Variants in LRRC49 observed in about 807,000 individuals in gnomAD.
LRRC49 encodes the protein leucine-rich repeat-containing protein 49.
A neutral mutation model predicts 83.3 loss-of-function variants in LRRC49; 50 were observed. The ratio of observed to expected loss-of-function variants is 0.60; its 90% CI spans 0.48 to 0.76. LRRC49 has a LOEUF of 0.76. Ranked by LOEUF, LRRC49 falls within the 30% of genes least tolerant of loss-of-function variation. The pLI, the probability that LRRC49 is intolerant of heterozygous loss-of-function variation, is 0.00. For synonymous variants in LRRC49, 286 were observed against 283.3 expected (o/e 1.01, Z -0.10); for missense variants, 704 against 809.1 (o/e 0.87, Z 1.58).
intron 7 of LRRC49, among the ~76,000 whole-genome samples, chr15:70,922,963 G>A (rs1221660762): frequency 6.6e-6 from 1 of 151,978 alleles, no homozygotes; most frequent in African/African-American, 2.4e-5. Context: ...CAAGTTTTGT[G>A]TTGGATATTT....
chr15:70,863,943 C>T (rs2141071293), intron 1 of LRRC49, among the ~76,000 whole-genome samples: 1 of 152,338 alleles, frequency 6.6e-6, no homozygotes, highest in African/African-American at 2.4e-5. Flanking sequence ...GCTTTGGCAC[C>T]TTCTGTGCTG....
intron 1 of LRRC49, chr15:70,860,284 AGCCCACCCGCGGG>A (rs2032757460): frequency 1.8e-6 from 1 of 553,950 alleles, no homozygotes. Flanking sequence ...CCAAGCCCTC[AGCCCACCCGCGGG>A]GGAGTTTACT....
chr15:70,995,483 G>A (rs563504199), intron 11 of LRRC49, among the ~76,000 whole-genome samples: 7 of 152,252 alleles, frequency 4.6e-5, no homozygotes, highest in South Asian at 2.1e-4. Flanking sequence ...AGAGAGATCC[G>A]TTGAAGCCAT....
rs1219738050 is a variant in LRRC49, at chr15:70,942,033, A to G, written c.773+5211A>G. On this transcript the variant is annotated intron_variant, in intron 8 of 15. Coordinates refer to ENST00000260382, the MANE Select transcript of LRRC49 (RefSeq NM_017691.5). ...CTCCATTTTTATTACTGTAAAGGTT[A>G]TGTGTGTGTGTGTGTGTGTGTGTGT... is the stretch of plus-strand genomic sequence containing the variant. Among the ~76,000 whole-genome samples, 19 of 144,188 alleles carry G rather than the reference A, an allele frequency of 1.3e-4. No homozygotes were observed. In the South Asian group the frequency reaches 3.0e-3, roughly 23 times the overall value. The allele number at this position is 144,188 out of a possible 152,430, so 94.6% of individuals were successfully genotyped here. A position where few individuals can be genotyped will look rare whatever the true frequency, so the allele number is the denominator to read the frequency against.
chr15:71,018,255 T>C (rs1451395913), intron 14 of LRRC49, among the ~76,000 whole-genome samples: 5 of 152,176 alleles, frequency 3.3e-5, no homozygotes, highest in East Asian at 1.9e-4. Context: ...CCTGGGAGGA[T>C]ATAGATATGA....
At chr15:70,990,044 G>T (rs907436563) in intron 11 of LRRC49, among the ~76,000 whole-genome samples, 6 of 152,180 alleles carry the variant, frequency 3.9e-5, no homozygotes, top group Non-Finnish European at 7.3e-5. Flanking sequence ...TGCCCCTACT[G>T]GGGGGTGCCT....
intron 6 of LRRC49, among the ~76,000 whole-genome samples, chr15:70,914,551 G>C (rs889985991): frequency 6.6e-6 from 1 of 152,128 alleles, no homozygotes; most frequent in Non-Finnish European, 1.5e-5. Context: ...AACTAAAGTA[G>C]TAGCAATAAG....
chr15:70,867,242 G>C (rs1385020509), intron 1 of LRRC49, among the ~76,000 whole-genome samples: 8 of 152,104 alleles, frequency 5.3e-5, no homozygotes. Flanking sequence ...AGGCTTGTAA[G>C]GGGCACCATG....
intron 9 of LRRC49, among the ~76,000 whole-genome samples, chr15:70,977,835 T>TA (rs921710117): frequency 2.6e-5 from 4 of 151,754 alleles, no homozygotes; most frequent in Non-Finnish European, 4.4e-5. Flanking sequence ...ATCTTTATTA[T>TA]AAAAAAAATA....
At chr15:71,004,224 G>T (rs2038371698) in intron 11 of LRRC49, among the ~76,000 whole-genome samples, 1 of 152,018 alleles carries the variant, frequency 6.6e-6, no homozygotes, top group Non-Finnish European at 1.5e-5. Flanking sequence ...GTATTTTAGT[G>T]TTCCAGCCAT....
At chr15:70,986,117 G>T (rs1226585516) in intron 11 of LRRC49, among the ~76,000 whole-genome samples, 8 of 149,896 alleles carry the variant, frequency 5.3e-5, no homozygotes, top group Non-Finnish European at 1.1e-4. Context: ...GGCGATGTGG[G>T]CTCTTTTTTG....
chr15:70,905,896 CA>C (rs1034691414), intron 5 of LRRC49, among the ~76,000 whole-genome samples: 3 of 152,082 alleles, frequency 2.0e-5, no homozygotes, highest in African/African-American at 7.2e-5. Context: ...AGGGATAGAT[CA>C]GATACTTCTA....
At chr15:70,930,971 T>C (rs2035384957) in intron 7 of LRRC49, among the ~76,000 whole-genome samples, 1 of 152,176 alleles carries the variant, frequency 6.6e-6, no homozygotes, top group Non-Finnish European at 1.5e-5. Flanking sequence ...CTTCCTATTG[T>C]TTTTATTTAT....
intron 7 of LRRC49, among the ~76,000 whole-genome samples, chr15:70,919,691 A>G (rs773147128): frequency 6.6e-6 from 1 of 152,172 alleles, no homozygotes; most frequent in Admixed American, 6.6e-5. Flanking sequence ...TTCATCTCTC[A>G]TTAGCTGTGT....
intron 5 of LRRC49, among the ~76,000 whole-genome samples, chr15:70,905,513 T>G (rs996749941): frequency 1.6e-4 from 25 of 152,186 alleles, no homozygotes; most frequent in African/African-American, 6.0e-4. Flanking sequence ...CTTACCCATC[T>G]CAAGGTTCAT....
chr15:70,907,766 G>A, intron 5 of LRRC49: 1 of 354,986 alleles, frequency 2.8e-6, no homozygotes, highest in South Asian at 2.2e-5. Context: ...AGAGGCCTCA[G>A]GTGATGGGTG....
chr15:70,859,373 A>T, intron 1 of LRRC49: 3 of 767,424 alleles, frequency 3.9e-6, no homozygotes, highest in Non-Finnish European at 2.4e-6. Context: ...GACTGACGAG[A>T]TGGACTTCCT....
At chr15:70,928,620 T>C (rs879428458) in intron 7 of LRRC49, among the ~76,000 whole-genome samples, 3 of 152,082 alleles carry the variant, frequency 2.0e-5, no homozygotes, top group Non-Finnish European at 4.4e-5. Flanking sequence ...TATGCTGGAG[T>C]GCAATTGCAG....
At chr15:70,950,427 T>C (rs1176848710) in intron 8 of LRRC49, among the ~76,000 whole-genome samples, 1 of 152,168 alleles carries the variant, frequency 6.6e-6, no homozygotes, top group Non-Finnish European at 1.5e-5. Context: ...AGTGTATAAG[T>C]GTTCCCTTTT....
Sources: gnomAD v4.1 joint callset for allele counts (sites outside exome capture counted in the v4.1 genomes callset) on GRCh38, gnomAD v4.1.1 for gene constraint, MANE v1.5 for transcripts, NCBI Gene and HGNC (gene_info 2026-07-23, HGNC 2026-07-21) for gene names.